The following ANTXR1 variants were observed in gnomAD, a reference collection of about 807,000 sequenced individuals.
ANTXR1 encodes anthrax toxin receptor 1.
ANTXR1 carries 19 observed loss-of-function variants against 78.1 expected under a neutral mutation model. That is an observed-to-expected ratio of 0.24 (90% CI 0.17 to 0.36). ANTXR1 has a LOEUF of 0.36. Ranked by LOEUF, ANTXR1 falls within the 10% of genes least tolerant of loss-of-function variation. The probability of loss-of-function intolerance (pLI) is 1.00; values close to 1 mark genes in which losing one functional copy is unlikely to be tolerated. For missense variants in ANTXR1, 518 were observed against 718.6 expected, an observed-to-expected ratio of 0.72 and a Z score of 3.19; for synonymous variants, 273 against 260.5, an observed-to-expected ratio of 1.05 and a Z score of -0.46.
intron 12 of ANTXR1, among the ~76,000 whole-genome samples, chr2:69,125,766 G>A (rs539564843): frequency 7.2e-5 from 11 of 152,014 alleles, no homozygotes; most frequent in Non-Finnish European, 1.2e-4. Flanking sequence ...GCTTGAGCCC[G>A]AGAGGTGGAG....
chr2:69,073,670 A>G (rs1053609056), intron 6 of ANTXR1, among the ~76,000 whole-genome samples: 2 of 152,204 alleles, frequency 1.3e-5, no homozygotes, highest in African/African-American at 2.4e-5. Context: ...AATTCTCTCA[A>G]TGAAGATTTT....
chr2:69,032,912 C>T (rs146503909), intron 1 of ANTXR1, among the ~76,000 whole-genome samples: 37 of 152,208 alleles, frequency 2.4e-4, no homozygotes, highest in African/African-American at 8.9e-4. Flanking sequence ...TGTAATTGAA[C>T]AAAAGTTAAC....
intron 8 of ANTXR1, chr2:69,090,602 C>T: frequency 1.8e-6 from 1 of 547,780 alleles, no homozygotes; most frequent in Non-Finnish European, 3.3e-6. Context: ...AGCATAGGCT[C>T]AGTAAATACC....
At chr2:69,195,812 A>T (rs1450945192) in intron 17 of ANTXR1, among the ~76,000 whole-genome samples, 1 of 152,138 alleles carries the variant, frequency 6.6e-6, no homozygotes, top group Non-Finnish European at 1.5e-5. Flanking sequence ...CAGTAGTACT[A>T]TTTTTTTGTG....
intron 17 of ANTXR1, among the ~76,000 whole-genome samples, chr2:69,219,416 CACACA>C: frequency 6.6e-6 from 1 of 151,604 alleles, no homozygotes; most frequent in Non-Finnish European, 1.5e-5. Context: ...CACACACACA[CACACA>C]CCCTACTGAT....
intron 13 of ANTXR1, among the ~76,000 whole-genome samples, chr2:69,152,558 G>T (rs1444129164): frequency 6.6e-6 from 1 of 152,138 alleles, no homozygotes; most frequent in Non-Finnish European, 1.5e-5. Flanking sequence ...CAACACAAAT[G>T]ATGAGTGTTA....
At chr2:69,119,363 G>A (rs571756193) in intron 10 of ANTXR1, among the ~76,000 whole-genome samples, 10 of 152,302 alleles carry the variant, frequency 6.6e-5, no homozygotes, top group East Asian at 5.8e-4. Context: ...TGGCTGCCCC[G>A]TGGCTCTGTG....
At chr2:69,238,826 A>C (rs2104529701) in intron 17 of ANTXR1, among the ~76,000 whole-genome samples, 2 of 152,330 alleles carry the variant, frequency 1.3e-5, no homozygotes, top group Middle Eastern at 6.8e-3. Flanking sequence ...TTTTCCTTAG[A>C]TGACCTCTGT....
intron 3 of ANTXR1, among the ~76,000 whole-genome samples, chr2:69,065,705 A>T (rs1670379374): frequency 6.6e-6 from 1 of 152,250 alleles, no homozygotes; most frequent in African/African-American, 2.4e-5. Flanking sequence ...GCCTATGCTT[A>T]GGTAAAAGTC....
At chr2:69,054,954 G>C (rs1049580413) in intron 3 of ANTXR1, among the ~76,000 whole-genome samples, 5 of 152,098 alleles carry the variant, frequency 3.3e-5, no homozygotes, top group African/African-American at 1.2e-4. Context: ...ATATTATGTG[G>C]TCTGAGTCCA....
chr2:69,108,830 G>C (rs1287911966), intron 10 of ANTXR1, among the ~76,000 whole-genome samples: 1 of 152,166 alleles, frequency 6.6e-6, no homozygotes, highest in African/African-American at 2.4e-5. Flanking sequence ...GTATTCCACG[G>C]TGTATATATA....
chr2:69,187,936 C>A (rs1429920214), intron 16 of ANTXR1, among the ~76,000 whole-genome samples: 1 of 149,898 alleles, frequency 6.7e-6, no homozygotes, highest in Non-Finnish European at 1.5e-5. Context: ...TTTATAGTGG[C>A]CTTATAAGTT....
intron 8 of ANTXR1, 184 bp from the exon 9 acceptor site, chr2:69,090,675 A>G (rs1346459927): frequency 6.2e-6 from 4 of 642,980 alleles, no homozygotes. Context: ...AGCATCTAGC[A>G]CAATCTGGCT....
At chr2:69,028,173 C>G (rs146531078) in intron 1 of ANTXR1, among the ~76,000 whole-genome samples, 1,645 of 152,200 alleles carry the variant, frequency 0.011, 9 homozygotes, top group Middle Eastern at 0.024. Context: ...AAGAAACTTT[C>G]AATGCTTTAA....
intron 3 of ANTXR1, among the ~76,000 whole-genome samples, chr2:69,059,376 A>G (rs112037935): frequency 3.0e-4 from 45 of 152,376 alleles, no homozygotes; most frequent in African/African-American, 1.0e-3. Flanking sequence ...AGCAGCCGTC[A>G]GTATCGAGGC....
chr2:69,028,935 G>A (rs371226248), intron 1 of ANTXR1, among the ~76,000 whole-genome samples: 4 of 152,068 alleles, frequency 2.6e-5, no homozygotes, highest in African/African-American at 9.7e-5. Context: ...TGAGAAAAGA[G>A]GCTGGGTGCG....
intron 14 of ANTXR1, among the ~76,000 whole-genome samples, chr2:69,181,089 C>T (rs983785072): frequency 2.6e-5 from 4 of 152,128 alleles, no homozygotes; most frequent in African/African-American, 4.8e-5. Flanking sequence ...GCAGAGCTGG[C>T]GTTTGCACTT....
intron 1 of ANTXR1, among the ~76,000 whole-genome samples, chr2:69,032,308 T>A (rs1197627716): frequency 6.6e-6 from 1 of 152,170 alleles, no homozygotes; most frequent in East Asian, 1.9e-4. Context: ...AGGCAATGGT[T>A]CTATCTGAGC....
At chr2:69,029,051 C>G (rs929627483) in intron 1 of ANTXR1, among the ~76,000 whole-genome samples, 3 of 125,864 alleles carry the variant, frequency 2.4e-5, no homozygotes, top group East Asian at 4.5e-4. Flanking sequence ...ACCCCCCCCC[C>G]TCCATCTCTA....
Sources: gnomAD v4.1 joint callset for allele counts (sites outside exome capture counted in the v4.1 genomes callset) on GRCh38, gnomAD v4.1.1 for gene constraint, MANE v1.5 for transcripts, NCBI Gene and HGNC (gene_info 2026-07-23, HGNC 2026-07-21) for gene names.